Variants in PIEZO1 observed in about 807,000 individuals in gnomAD.
PIEZO1 encodes the protein piezo-type mechanosensitive ion channel component 1.
In PIEZO1, 296 loss-of-function variants were observed where a neutral mutation model predicts 297.2. The ratio of observed to expected loss-of-function variants is 1.00; its 90% CI spans 0.91 to 1.10. The LOEUF is 1.10. Ranked by LOEUF, PIEZO1 falls within the 50% of genes least tolerant of loss-of-function variation. PIEZO1 has a pLI of 0.00. For synonymous variants in PIEZO1, 2,427 were observed against 1,507.5 expected, an observed-to-expected ratio of 1.61 and a Z score of -14.13; for missense variants, 5,018 against 3,455.5, an observed-to-expected ratio of 1.45 and a Z score of -11.34.
rs964109133 is a variant in PIEZO1, at chr16:88,721,988, G to A, written c.5034C>T (p.Ala1678=). The A allele has an allele frequency of 9.0e-6, 14 of 1,549,630 alleles. No individual in the cohort carries two copies. The highest frequency in any genetic ancestry group is 7.3e-5 in the East Asian group (3 of 40,928). The change falls in exon 37 of 51, where the codon GCC becomes GCT. Residue 1678 remains alanine, a synonymous_variant. Coordinates refer to ENST00000301015, the MANE Select transcript of PIEZO1 (RefSeq NM_001142864.4). ...AGTGGGCGGCCACACACTGGTACAC[G>A]GCCCGCAGCAGCCGCAGCGCCCGGC... ...GQGRALRLLR[A]VYQCVAAHSE...
rs568110389 is a variant in PIEZO1, at chr16:88,727,182, G to A, written c.3312C>T (p.Leu1104=). 52 of 1,541,248 alleles carry A rather than the reference G, an allele frequency of 3.4e-5. No homozygotes were observed. The highest frequency in any genetic ancestry group is 4.4e-5 in the Non-Finnish European group (50 of 1,141,662). The part of the protein sequence containing the change: ...PNSTNLISDF[L]LLLCASQQWQ... ...ACTGCTGGGAGGCGCACAGCAGCAG[G>A]AGAAAGTCGCCTGCAGGACACAGGA... is the stretch of plus-strand genomic sequence containing the variant. Residue 1104 remains leucine, a synonymous_variant, in exon 24 of 51, where the codon CTC becomes CTT. Transcript: ENST00000301015.
chr16:88,770,142 G>A (rs1907356353), intron 1 of PIEZO1, among the ~76,000 whole-genome samples: 1 of 152,078 alleles, frequency 6.6e-6, no homozygotes, highest in African/African-American at 2.4e-5. Context: ...TCTCCAGGCA[G>A]AGAGTGCACA....
At chr16:88,751,606 C>A (rs548980990) in intron 1 of PIEZO1, among the ~76,000 whole-genome samples, 1 of 152,094 alleles carries the variant, frequency 6.6e-6, no homozygotes, top group Non-Finnish European at 1.5e-5. Flanking sequence ...CTCCCATTAA[C>A]GCACCAAGCA....
At chr16:88,780,129 C>A (rs1188693812) in intron 1 of PIEZO1, among the ~76,000 whole-genome samples, 1 of 152,224 alleles carries the variant, frequency 6.6e-6, no homozygotes, top group African/African-American at 2.4e-5. Flanking sequence ...TGCCTGCCCC[C>A]GTCCTCCCAG....
At chr16:88,742,664 G>C in intron 2 of PIEZO1, 1 of 510,594 alleles carries the variant, frequency 2.0e-6, no homozygotes, top group Non-Finnish European at 3.5e-6. Flanking sequence ...TGGGCCTGGG[G>C]CCCACAGGCA....
Position 88,768,568 on chromosome 16 carries a change from C to T in PIEZO1, c.64+16333G>A, listed in dbSNP as rs539669213. On this transcript the variant is annotated intron_variant, in intron 1 of 50. Coordinates refer to ENST00000301015, the MANE Select transcript of PIEZO1 (RefSeq NM_001142864.4). The stretch of plus-strand genomic sequence containing the variant: ...CGAGCAGCCGAACTCCCGGGGGTCC[C>T]GGGTGGCCCTGACAAGCAGGTTGTG... Among the ~76,000 whole-genome samples, 8 of 152,330 alleles carry T rather than the reference C, an allele frequency of 5.3e-5. No homozygotes were observed. The South Asian group carries it at 6.2e-4, about 12-fold the overall frequency.
rs551143955 is a variant in PIEZO1 at position 88,754,267 on chromosome 16, T to TGGGCTGGCCTCTGCTTTCAGTGG, written c.65-4811_65-4789dup. The stretch of plus-strand genomic sequence containing the variant: ...GCTGGGCCCCTGGGTGTCCAAGGGC[T>TGGGCTGGCCTCTGCTTTCAGTGG]GGGCTGGCCTCTGCTTTCAGTGGGT... On this transcript the variant is annotated intron_variant, in intron 1 of 50. Coordinates refer to ENST00000301015, the MANE Select transcript of PIEZO1 (RefSeq NM_001142864.4). 4.2e-4 allele frequency among the ~76,000 whole-genome samples: 64 copies of TGGGCTGGCCTCTGCTTTCAGTGG among 152,282 alleles called. No homozygotes were observed. The South Asian group carries it at 6.2e-3, about 15-fold the overall frequency.
intron 1 of PIEZO1, among the ~76,000 whole-genome samples, chr16:88,763,049 C>G (rs1286141491): frequency 6.6e-6 from 1 of 152,200 alleles, no homozygotes; most frequent in East Asian, 1.9e-4. Flanking sequence ...CCAAAACAGT[C>G]TGGCCCTGGG....
Position 88,725,578 on chromosome 16 carries a change from G to T in PIEZO1, c.4058+17C>A. 1 of 1,529,646 alleles carries T rather than the reference G, an allele frequency of 6.5e-7. No homozygotes were observed. Among genetic ancestry groups the T allele is most frequent in the Non-Finnish European group, 8.9e-7 (1 of 1,128,288 alleles). The allele number at this position is 1,529,646 out of a possible 1,614,324, so 94.8% of individuals were successfully genotyped here. ...TGGGGGGAGGAGCCGGGGAGTCCCCGCCCCAGAGGCACCTACTGTCTTTTC... is the reference window on the plus strand; with the variant it reads ...TGGGGGGAGGAGCCGGGGAGTCCCCTCCCCAGAGGCACCTACTGTCTTTTC... On this transcript the variant is annotated intron_variant, in intron 28 of 50. Coordinates refer to ENST00000301015, the MANE Select transcript of PIEZO1 (RefSeq NM_001142864.4).
chr16:88,780,645 C>CT (rs796504397), intron 1 of PIEZO1, among the ~76,000 whole-genome samples: 8 of 152,338 alleles, frequency 5.3e-5, no homozygotes, highest in African/African-American at 1.9e-4. Flanking sequence ...GAAGAAAAAG[C>CT]TTATATAAAC....
intron 1 of PIEZO1, among the ~76,000 whole-genome samples, chr16:88,775,265 G>C (rs970311737): frequency 1.3e-5 from 2 of 152,220 alleles, no homozygotes; most frequent in Non-Finnish European, 2.9e-5. Flanking sequence ...AGGACACAGA[G>C]GATGCCGGGG....
intron 1 of PIEZO1, among the ~76,000 whole-genome samples, chr16:88,750,670 C>T (rs1002971560): frequency 2.0e-5 from 3 of 152,238 alleles, no homozygotes; most frequent in South Asian, 4.1e-4. Flanking sequence ...GCTAGCCAGG[C>T]CTGCTTCCTC....
intron 1 of PIEZO1, among the ~76,000 whole-genome samples, chr16:88,763,369 C>T (rs1459792716): frequency 1.3e-5 from 2 of 152,206 alleles, no homozygotes; most frequent in Non-Finnish European, 2.9e-5. Flanking sequence ...CTCTGGGATT[C>T]TGTCTCTTCA....
intron 1 of PIEZO1, among the ~76,000 whole-genome samples, chr16:88,757,227 C>T (rs1417943054): frequency 2.0e-5 from 3 of 148,528 alleles, no homozygotes; most frequent in Non-Finnish European, 4.4e-5. Flanking sequence ...CTGGAAGACG[C>T]GATGCATTGA....
Position 88,722,918 on chromosome 16 carries a change from C to G in PIEZO1, c.4587G>C (p.Leu1529=), listed in dbSNP as rs770267326. ...QALVDELTRW[L]QEFTRHHGTM... is the part of the protein sequence containing the mutation. ...TGCCGTGGTGCCGGGTGAACTCCTG[C>G]AGCCAGCGTGTCAGCTCATCCACTA... The change falls in exon 34 of 51, where the codon CTG becomes CTC. Residue 1529 remains leucine (L), a synonymous_variant. Coordinates refer to ENST00000301015, the MANE Select transcript of PIEZO1 (RefSeq NM_001142864.4). The G allele has an allele frequency of 1.3e-6, 2 of 1,549,232 alleles. No individual in the cohort carries two copies. The highest frequency in any genetic ancestry group is 1.7e-6 in the Non-Finnish European group (2 of 1,146,814).
At chr16:88,717,237 C>G (rs374146636) in intron 44 of PIEZO1, 26 bp from the exon 45 acceptor site, 12 of 1,538,312 alleles carry the variant, frequency 7.8e-6, no homozygotes, top group Admixed American at 2.0e-5. Flanking sequence ...ACAGGTCATA[C>G]GCTCAGCTCT....
In PIEZO1 at chr16:88,719,339, C is replaced by A. The variant is rs145481790; in HGVS notation, c.6471+235G>T. ...GCACCAGGCCCTGCTCTGCTGCCAGCCTGCCTGGAACAGGACCAACTCCGC... is the reference window on the plus strand; with the variant it reads ...GCACCAGGCCCTGCTCTGCTGCCAGACTGCCTGGAACAGGACCAACTCCGC... On this transcript the variant is annotated intron_variant, in intron 44 of 50. Transcript: ENST00000301015. 4 of 538,944 alleles carry A rather than the reference C, an allele frequency of 7.4e-6. No individual in the cohort carries two copies. The African/African-American group carries it at 7.6e-5, about 10-fold the overall frequency. 33.4% of individuals were successfully genotyped at this position (538,944 alleles called of 1,614,324 possible).
intron 1 of PIEZO1, among the ~76,000 whole-genome samples, chr16:88,766,047 G>C (rs368108799): frequency 6.6e-6 from 1 of 152,200 alleles, no homozygotes; most frequent in Admixed American, 6.5e-5. Context: ...GTCAGCGCAC[G>C]GCTGTGTTCT....
intron 1 of PIEZO1, among the ~76,000 whole-genome samples, chr16:88,749,830 C>T (rs1474819635): frequency 6.6e-6 from 1 of 152,178 alleles, no homozygotes; most frequent in Admixed American, 6.5e-5. Context: ...GAGTTCAAGA[C>T]CAGCCTGGCC....
Sources: allele counts gnomAD v4.1 joint callset (sites outside exome capture counted in the v4.1 genomes callset), GRCh38; gene constraint gnomAD v4.1.1; transcripts MANE v1.5; gene names NCBI Gene and HGNC (gene_info 2026-07-23, HGNC 2026-07-21).